The following KIAA0513 variants were observed in gnomAD, a reference collection of about 807,000 sequenced individuals.
KIAA0513 encodes uncharacterized protein KIAA0513.
A neutral mutation model predicts 56.5 loss-of-function variants in KIAA0513; 39 were observed. The ratio of observed to expected loss-of-function variants is 0.69; its 90% CI spans 0.53 to 0.90. The LOEUF (loss-of-function observed/expected upper bound fraction) is 0.90, where lower values mean the gene tolerates loss of function less well. KIAA0513 is among the 40% of genes least tolerant of loss of function. The pLI is 0.00. For synonymous variants in KIAA0513, 268 were observed against 215.6 expected, an observed-to-expected ratio of 1.24 and a Z score of -2.13; for missense variants, 591 against 535.2, an observed-to-expected ratio of 1.10 and a Z score of -1.03.
intron 1 of KIAA0513, among the ~76,000 whole-genome samples, chr16:85,064,212 G>A (rs1288638924): frequency 6.6e-6 from 1 of 151,792 alleles, no homozygotes; most frequent in African/African-American, 2.4e-5. Context: ...CACCGTGTTG[G>A]CCAGGCTGGT....
At chr16:85,082,377 A>C (rs1468174781) in intron 9 of KIAA0513, among the ~76,000 whole-genome samples, 187 bp from the exon 10 acceptor site, 1 of 152,106 alleles carries the variant, frequency 6.6e-6, no homozygotes, top group Non-Finnish European at 1.5e-5. Context: ...CCCTAGGCAG[A>C]GGGGCGTTGC....
rs1003023684 is a variant in KIAA0513 at position 85,081,060 on chromosome 16, C to T, written c.903-255C>T. Among the ~76,000 whole-genome samples the T allele has an allele frequency of 3.9e-5, 6 of 152,208 alleles. No individual in the cohort carries two copies. Among genetic ancestry groups the T allele is most frequent in the East Asian group, 3.8e-4 (2 of 5,196 alleles). On this transcript the variant is annotated intron_variant, in intron 8 of 12. Coordinates refer to ENST00000683363, the MANE Select transcript of KIAA0513 (RefSeq NM_001388359.1). The surrounding 1 kb of genome is among the most constrained non-coding windows in gnomAD (Gnocchi z 4.4). Reference sequence around the variant, plus strand: ...GTGCCCTCCTGCCTGCAGCGCAGCCCGGGTTATCATAGCTTTCCCTCCCAC... The same window carrying T: ...GTGCCCTCCTGCCTGCAGCGCAGCCTGGGTTATCATAGCTTTCCCTCCCAC...
In KIAA0513 at chr16:85,067,043, G is replaced by C; in HGVS notation, c.-29G>C. 6.6e-7 allele frequency: 1 copy of C among 1,516,792 alleles called. No homozygotes were observed. The highest frequency in any genetic ancestry group is 2.3e-5 in the East Asian group (1 of 43,754). The allele number at this position is 1,516,792 out of a possible 1,614,324, so 94.0% of individuals were successfully genotyped here. ...TCCCCTCTAGGCAGCCTCCCCTCCA[G>C]GCAGCCTCACCAGCAGCTCCCCTGA... is the stretch of plus-strand genomic sequence containing the variant. On this transcript the variant is annotated 5_prime_UTR_variant, in exon 2 of 13. Transcript: ENST00000683363.
At chr16:85,056,283 G>A (rs564500972) in intron 1 of KIAA0513, among the ~76,000 whole-genome samples, 4 of 152,212 alleles carry the variant, frequency 2.6e-5, no homozygotes, top group African/African-American at 4.8e-5. Context: ...TCAGCGCGGC[G>A]TTAGAAAAGC....
intron 10 of KIAA0513, among the ~76,000 whole-genome samples, chr16:85,085,760 G>A (rs1262511680): frequency 6.6e-6 from 1 of 152,210 alleles, no homozygotes; most frequent in Non-Finnish European, 1.5e-5. Flanking sequence ...TCTAAAGCAC[G>A]CAGCAGGTGA....
At position 85,078,060 on chromosome 16, in the gene KIAA0513, T is replaced by C. The variant is rs188192832; in HGVS notation, c.783-355T>C. 1.9e-3 allele frequency among the ~76,000 whole-genome samples: 290 copies of C among 152,064 alleles called. 5 individuals are homozygous for C. The highest frequency in any genetic ancestry group is 0.018 in the South Asian group (89 of 4,826). The stretch of plus-strand genomic sequence containing the variant: ...GCTTTGGGGACGGGCACATCAGAAG[T>C]AGACGCGTAGAAGCTAAGACTTCCA... On this transcript the variant is annotated intron_variant, in intron 6 of 12. Coordinates refer to ENST00000683363, the MANE Select transcript of KIAA0513 (RefSeq NM_001388359.1).
chr16:85,055,214 G>A (rs555031660), intron 1 of KIAA0513, among the ~76,000 whole-genome samples: 14 of 151,952 alleles, frequency 9.2e-5, no homozygotes, highest in African/African-American at 2.7e-4. Context: ...ATGAGCCACC[G>A]CCCCCAGCCT....
intron 1 of KIAA0513, among the ~76,000 whole-genome samples, chr16:85,066,340 G>C (rs9930338): frequency 0.037 from 5,617 of 152,296 alleles, 248 homozygotes; most frequent in African/African-American, 0.1. Context: ...TGCTGGGAGA[G>C]GGGACAGGTC....
chr16:85,032,281 C>G (rs1597584115), intron 1 of KIAA0513, among the ~76,000 whole-genome samples: 1 of 152,244 alleles, frequency 6.6e-6, no homozygotes, highest in South Asian at 2.1e-4. Flanking sequence ...GTCTGCCTCT[C>G]TTCTCCTCTT....
intron 10 of KIAA0513, among the ~76,000 whole-genome samples, chr16:85,085,708 C>G (rs1347574307): frequency 6.6e-6 from 1 of 152,224 alleles, no homozygotes; most frequent in Non-Finnish European, 1.5e-5. Flanking sequence ...GGGGAGCCCC[C>G]TTGTTCTGCC....
At chr16:85,043,100 C>T (rs778952363) in intron 1 of KIAA0513, among the ~76,000 whole-genome samples, 1 of 152,134 alleles carries the variant, frequency 6.6e-6, no homozygotes, top group Non-Finnish European at 1.5e-5. Context: ...AACCGAAATA[C>T]AATTTTAGAC....
At chr16:85,060,446 C>T (rs1000615968) in intron 1 of KIAA0513, among the ~76,000 whole-genome samples, 1 of 152,192 alleles carries the variant, frequency 6.6e-6, no homozygotes, top group Admixed American at 6.5e-5. Context: ...CACAGTGCAC[C>T]TGCCCTTCCT....
At chr16:85,062,613 C>G (rs1034569206) in intron 1 of KIAA0513, among the ~76,000 whole-genome samples, 2 of 152,182 alleles carry the variant, frequency 1.3e-5, no homozygotes, top group African/African-American at 4.8e-5. Context: ...ATGCAATCCA[C>G]AGATGGGTTT....
At chr16:85,085,708 C>T (rs1347574307) in intron 10 of KIAA0513, among the ~76,000 whole-genome samples, 1 of 152,224 alleles carries the variant, frequency 6.6e-6, no homozygotes, top group African/African-American at 2.4e-5. Context: ...GGGGAGCCCC[C>T]TTGTTCTGCC....
intron 1 of KIAA0513, among the ~76,000 whole-genome samples, chr16:85,064,265 C>T (rs2073447580): frequency 6.6e-6 from 1 of 152,146 alleles, no homozygotes; most frequent in Non-Finnish European, 1.5e-5. Context: ...CTCAGCCTCC[C>T]AAAGTGTTGG....
intron 1 of KIAA0513, among the ~76,000 whole-genome samples, chr16:85,040,623 A>G (rs893360049): frequency 1.3e-5 from 2 of 152,204 alleles, no homozygotes; most frequent in Admixed American, 1.3e-4. Flanking sequence ...TTTTAGTTTC[A>G]GGAAACTTGA....
chr16:85,040,563 G>A (rs1388810919), intron 1 of KIAA0513, among the ~76,000 whole-genome samples: 4 of 152,138 alleles, frequency 2.6e-5, no homozygotes, highest in Admixed American at 2.0e-4. Context: ...ATCATCGCAG[G>A]TACACGTTTG....
intron 1 of KIAA0513, among the ~76,000 whole-genome samples, chr16:85,042,714 C>G (rs1225652584): frequency 6.6e-6 from 1 of 152,096 alleles, no homozygotes; most frequent in African/African-American, 2.4e-5. Flanking sequence ...AATGGTAATG[C>G]TGGGCATTGT....
At position 85,089,865 on chromosome 16, in the gene KIAA0513, A is replaced by G. The variant is rs535632216; in HGVS notation, c.*1540A>G. 6.6e-6 allele frequency: 1 copy of G among 152,262 alleles called. No homozygotes were observed. The highest frequency in any genetic ancestry group is 1.9e-4 in the East Asian group (1 of 5,156). The allele number at this position is 152,262 out of a possible 1,614,324, so 9.4% of individuals were successfully genotyped here. On this transcript the variant is annotated 3_prime_UTR_variant, in exon 13 of 13. Transcript: ENST00000683363. This position sits in a 1 kb window ranked among gnomAD's most constrained non-coding sequence, Gnocchi z 4.2. ...TGCTGCAGATTGGTTGGATCACAGA[A>G]TGTGTGTCTGGGGCATTATCTGAAA...
Sources: gnomAD v4.1 joint callset for allele counts (sites outside exome capture counted in the v4.1 genomes callset) on GRCh38, gnomAD v4.1.1 for gene constraint, Gnocchi (gnomAD v3.1) non-coding constraint, MANE v1.5 for transcripts, NCBI Gene and HGNC (gene_info 2026-07-23, HGNC 2026-07-21) for gene names.